ST18: variants seen among roughly 807,000 people sequenced by gnomAD.
ST18 encodes the protein ST18 C2H2C-type zinc finger transcription factor.
Under a neutral mutation model 110.0 loss-of-function variants are expected in ST18, and 50 were observed. The ratio of observed to expected loss-of-function variants is 0.45; its 90% CI spans 0.36 to 0.58. The LOEUF (loss-of-function observed/expected upper bound fraction) is 0.58, where lower values mean the gene tolerates loss of function less well. Among genes scored for constraint, ST18 ranks in the 20% least tolerant of loss-of-function variants. The pLI is 0.00. For synonymous variants in ST18, 461 were observed against 452.4 expected, an observed-to-expected ratio of 1.02 and a Z score of -0.24; for missense variants, 1,306 against 1,280.1, an observed-to-expected ratio of 1.02 and a Z score of -0.31.
intron 12 of ST18, 107 bp downstream of exon 12, chr8:52,165,028 A>G (rs549109917): frequency 9.8e-7 from 1 of 1,022,456 alleles, no homozygotes; most frequent in East Asian, 2.4e-5. Flanking sequence ...CATATTGGAC[A>G]GTGATGCAGC....
At chr8:52,298,963 T>C (rs2095674095) in intron 2 of ST18, among the ~76,000 whole-genome samples, 1 of 152,196 alleles carries the variant, frequency 6.6e-6, no homozygotes. Context: ...CTCTTTGGTC[T>C]GAATTTGTAT....
In ST18 at chr8:52,133,392, C is replaced by T. The variant is rs978561689; in HGVS notation, c.2301-91G>A. ...AGTTATTTAGGTTCTTCAGTAATCA[C>T]ATTAATGTTCCAAGTCTCTGTAGTT... On this transcript the variant is annotated intron_variant, in intron 19 of 25. Transcript: ENST00000689386. The T allele has an allele frequency of 2.1e-6, 3 of 1,446,634 alleles. No individual in the cohort carries two copies. The African/African-American group carries it at 4.2e-5, about 20-fold the overall frequency. The allele number at this position is 1,446,634 out of a possible 1,614,324, so 89.6% of individuals were successfully genotyped here.
intron 2 of ST18, among the ~76,000 whole-genome samples, chr8:52,274,036 C>A (rs2095159482): frequency 6.6e-6 from 1 of 152,138 alleles, no homozygotes; most frequent in African/African-American, 2.4e-5. Context: ...TCTGTGTATC[C>A]TCTCTACACT....
chr8:52,114,828 G>A (rs1173796065), intron 25 of ST18, among the ~76,000 whole-genome samples: 4 of 152,090 alleles, frequency 2.6e-5, no homozygotes, highest in Non-Finnish European at 5.9e-5. Flanking sequence ...CTCGCTCTTT[G>A]GTGCTTTCGT....
At chr8:52,313,122 G>A (rs2095952765) in intron 2 of ST18, 1 of 152,366 alleles carries the variant, frequency 6.6e-6, no homozygotes, top group South Asian at 2.1e-4. Context: ...TGCACCTATG[G>A]TTGTGTGGTG....
At chr8:52,170,228 G>T (rs2064349866) in intron 10 of ST18, among the ~76,000 whole-genome samples, 1 of 152,170 alleles carries the variant, frequency 6.6e-6, no homozygotes, top group African/African-American at 2.4e-5. Flanking sequence ...AGCACTTTGG[G>T]AGGCCGAGGC....
chr8:52,161,135 T>C (rs1455301156), intron 14 of ST18, among the ~76,000 whole-genome samples: 1 of 152,238 alleles, frequency 6.6e-6, no homozygotes, highest in Non-Finnish European at 1.5e-5. Flanking sequence ...AGCATCATAT[T>C]TGTAGAATAA....
intron 2 of ST18, among the ~76,000 whole-genome samples, chr8:52,361,532 T>C (rs914045409): frequency 3.3e-5 from 5 of 152,244 alleles, no homozygotes; most frequent in Admixed American, 1.3e-4. Flanking sequence ...GAATTTACCA[T>C]TTAAATGGGA....
chr8:52,168,731 C>T (rs1024613458), intron 10 of ST18, among the ~76,000 whole-genome samples: 5 of 152,060 alleles, frequency 3.3e-5, no homozygotes, highest in African/African-American at 7.2e-5. Context: ...CTCTGCATTT[C>T]GTAATAGACA....
At chr8:52,203,235 A>G (rs893151426) in intron 8 of ST18, among the ~76,000 whole-genome samples, 1 of 152,204 alleles carries the variant, frequency 6.6e-6, no homozygotes, top group Non-Finnish European at 1.5e-5. Flanking sequence ...ATATGCAAAA[A>G]GTTTCATTAG....
chr8:52,349,226 CT>C (rs1819152429), intron 2 of ST18, among the ~76,000 whole-genome samples: 1 of 152,166 alleles, frequency 6.6e-6, no homozygotes, highest in South Asian at 2.1e-4. Flanking sequence ...ATCCTTCCCA[CT>C]GGTGGAGACG....
chr8:52,288,626 G>A (rs1042960671), intron 2 of ST18, among the ~76,000 whole-genome samples: 6 of 151,254 alleles, frequency 4.0e-5, no homozygotes, highest in Non-Finnish European at 8.8e-5. Flanking sequence ...CCTGGAAAGC[G>A]GAGGTTGCAG....
intron 25 of ST18, among the ~76,000 whole-genome samples, chr8:52,113,770 T>G (rs758966393): frequency 6.6e-6 from 1 of 151,968 alleles, no homozygotes; most frequent in Non-Finnish European, 1.5e-5. Context: ...GGGCAGAAAC[T>G]TAAAGAATTT....
In ST18 at chr8:52,372,925, A is replaced by AT. The variant is rs539074591; in HGVS notation, c.-465+36402dup. ...TGTTTATTGTACAGAGCATACCTGA[A>AT]TTTTTTCAAAATAAAAAATTATAAG... On this transcript the variant is annotated intron_variant, in intron 2 of 25. Transcript: ENST00000689386. 8.6e-4 allele frequency among the ~76,000 whole-genome samples: 131 copies of AT among 152,326 alleles called. 1 individual carries two copies. The highest frequency in any genetic ancestry group is 1.5e-3 in the Non-Finnish European group (103 of 68,024).
intron 2 of ST18, among the ~76,000 whole-genome samples, chr8:52,255,187 C>T (rs1039598930): frequency 4.6e-5 from 7 of 152,116 alleles, no homozygotes; most frequent in South Asian, 2.1e-4. Flanking sequence ...GGTCTCTGTG[C>T]GGCCCGGAGT....
chr8:52,327,465 G>A (rs1807023468), intron 2 of ST18, among the ~76,000 whole-genome samples: 1 of 152,142 alleles, frequency 6.6e-6, no homozygotes. Flanking sequence ...ATATACCAAG[G>A]AGATTTGTTA....
chr8:52,395,289 A>G (rs1389006327), intron 2 of ST18, among the ~76,000 whole-genome samples: 1 of 152,232 alleles, frequency 6.6e-6, no homozygotes, highest in Non-Finnish European at 1.5e-5. Flanking sequence ...ATATAAACAA[A>G]GAAGAGAAAT....
At chr8:52,327,632 C>T (rs1167768017) in intron 2 of ST18, among the ~76,000 whole-genome samples, 1 of 152,156 alleles carries the variant, frequency 6.6e-6, no homozygotes, top group Non-Finnish European at 1.5e-5. Flanking sequence ...GACACGGTGC[C>T]ATTATAATCA....
At chr8:52,265,485 C>T (rs1280433792) in intron 2 of ST18, among the ~76,000 whole-genome samples, 2 of 152,162 alleles carry the variant, frequency 1.3e-5, no homozygotes, top group East Asian at 3.9e-4. Context: ...AGCAAGCTGA[C>T]CAATGAAATG....
Sources: allele counts gnomAD v4.1 joint callset (sites outside exome capture counted in the v4.1 genomes callset), GRCh38; gene constraint gnomAD v4.1.1; transcripts MANE v1.5; gene names NCBI Gene and HGNC (gene_info 2026-07-23, HGNC 2026-07-21).